Variants in LRRC4C observed in about 807,000 individuals in gnomAD.
LRRC4C encodes leucine rich repeat containing 4C.
Under a neutral mutation model 33.6 loss-of-function variants are expected in LRRC4C, and 5 were observed. That is an observed-to-expected ratio of 0.15 (90% CI 0.08 to 0.31). The LOEUF (loss-of-function observed/expected upper bound fraction) is 0.31. Ranked by LOEUF, LRRC4C falls within the 10% of genes least tolerant of loss-of-function variation. LRRC4C has a pLI of 1.00. For missense variants in LRRC4C, 560 were observed against 796.7 expected (o/e 0.70, Z 3.58); for synonymous variants, 329 against 302.0 (o/e 1.09, Z -0.93).
intron 1 of LRRC4C, among the ~76,000 whole-genome samples, chr11:41,219,400 G>T (rs1015527048): frequency 9.2e-5 from 14 of 152,106 alleles, no homozygotes; most frequent in African/African-American, 3.1e-4. Context: ...ATGCATAAGG[G>T]CCAGGAAAAC....
At chr11:41,100,257 A>T (rs1335897369) in intron 1 of LRRC4C, among the ~76,000 whole-genome samples, 1 of 152,106 alleles carries the variant, frequency 6.6e-6, no homozygotes, top group Non-Finnish European at 1.5e-5. Flanking sequence ...GCTCATGGAG[A>T]GGGAGAATCA....
intron 2 of LRRC4C, among the ~76,000 whole-genome samples, chr11:40,650,871 C>T (rs1198278407): frequency 1.3e-5 from 2 of 152,140 alleles, no homozygotes; most frequent in African/African-American, 2.4e-5. Flanking sequence ...TTAATGCCCT[C>T]TTGTTCCCAA....
intron 2 of LRRC4C, among the ~76,000 whole-genome samples, chr11:40,675,463 C>T (rs1944350988): frequency 6.6e-6 from 1 of 152,138 alleles, no homozygotes; most frequent in Non-Finnish European, 1.5e-5. Flanking sequence ...CAGAGTTGCT[C>T]ACACTTTTCT....
chr11:40,895,150 T>C (rs1955883742), intron 2 of LRRC4C, among the ~76,000 whole-genome samples: 1 of 152,096 alleles, frequency 6.6e-6, no homozygotes, highest in Non-Finnish European at 1.5e-5. Flanking sequence ...TACTGAAAAC[T>C]TGACAGAAAT....
At chr11:40,965,996 C>A (rs1307516740) in intron 1 of LRRC4C, among the ~76,000 whole-genome samples, 1 of 152,020 alleles carries the variant, frequency 6.6e-6, no homozygotes, top group Non-Finnish European at 1.5e-5. Flanking sequence ...TCTTCCTACC[C>A]ATGAGCATGG....
intron 1 of LRRC4C, among the ~76,000 whole-genome samples, chr11:41,187,340 G>A (rs1253854411): frequency 6.6e-6 from 1 of 152,182 alleles, no homozygotes; most frequent in Non-Finnish European, 1.5e-5. Context: ...CACACTGGCA[G>A]AAGAGGACAC....
chr11:40,254,367 G>T (rs1293375851), intron 4 of LRRC4C, among the ~76,000 whole-genome samples: 1 of 152,222 alleles, frequency 6.6e-6, no homozygotes, highest in Non-Finnish European at 1.5e-5. Flanking sequence ...TGATGCCATA[G>T]ATTGTGGAGG....
chr11:40,317,615 G>C (rs80171876), intron 4 of LRRC4C, among the ~76,000 whole-genome samples: 1 of 152,108 alleles, frequency 6.6e-6, no homozygotes, highest in South Asian at 2.1e-4. Context: ...ATACTGAAAC[G>C]TCTCTCTGCA....
At chr11:41,042,419 T>C (rs537713293) in intron 1 of LRRC4C, among the ~76,000 whole-genome samples, 3 of 152,256 alleles carry the variant, frequency 2.0e-5, no homozygotes, top group African/African-American at 7.2e-5. Flanking sequence ...TTTTCTCTAA[T>C]TTACAATGTT....
At chr11:41,068,569 A>G (rs1303931192) in intron 1 of LRRC4C, among the ~76,000 whole-genome samples, 1 of 152,194 alleles carries the variant, frequency 6.6e-6, no homozygotes, top group African/African-American at 2.4e-5. Context: ...ACAAACTACT[A>G]TCAGAGAATA....
At chr11:41,410,580 A>G (rs1248231174) in intron 1 of LRRC4C, among the ~76,000 whole-genome samples, 2 of 151,824 alleles carry the variant, frequency 1.3e-5, no homozygotes, top group Admixed American at 6.6e-5. Context: ...AGCTGGGACT[A>G]CAGGCGCCCG....
chr11:40,696,770 ATATATCTGAG>A (rs1299191647), intron 2 of LRRC4C, among the ~76,000 whole-genome samples: 1 of 144,632 alleles, frequency 6.9e-6, no homozygotes, highest in Non-Finnish European at 1.5e-5. Flanking sequence ...ATATATATAT[ATATATCTGAG>A]TATATATATA....
At chr11:40,826,969 C>A (rs1211669175) in intron 2 of LRRC4C, among the ~76,000 whole-genome samples, 1 of 151,972 alleles carries the variant, frequency 6.6e-6, no homozygotes, top group African/African-American at 2.4e-5. Flanking sequence ...GAAAACACTA[C>A]AAATTCCGTT....
intron 1 of LRRC4C, among the ~76,000 whole-genome samples, chr11:41,210,675 T>C (rs1277920673): frequency 2.0e-5 from 3 of 152,178 alleles, no homozygotes; most frequent in African/African-American, 4.8e-5. Flanking sequence ...TCGGCATCTA[T>C]TTCTCTGCCC....
At chr11:40,895,031 C>A (rs567028905) in intron 2 of LRRC4C, among the ~76,000 whole-genome samples, 1 of 151,990 alleles carries the variant, frequency 6.6e-6, no homozygotes, top group South Asian at 2.1e-4. Context: ...GGCTTGATAG[C>A]TAATTTCTAA....
chr11:40,523,340 T>A (rs1317365950), intron 3 of LRRC4C, among the ~76,000 whole-genome samples: 11 of 152,010 alleles, frequency 7.2e-5, no homozygotes, highest in African/African-American at 2.6e-4. Context: ...TTTGCATAAA[T>A]GTCTACTCAA....
chr11:41,069,374 C>T (rs1267465241), intron 1 of LRRC4C, among the ~76,000 whole-genome samples: 2 of 152,134 alleles, frequency 1.3e-5, no homozygotes, highest in East Asian at 1.9e-4. Context: ...CAAGGATGCC[C>T]TCTCTCACCA....
intron 1 of LRRC4C, among the ~76,000 whole-genome samples, chr11:41,055,879 T>C (rs941507908): frequency 6.6e-6 from 1 of 152,144 alleles, no homozygotes; most frequent in African/African-American, 2.4e-5. Flanking sequence ...GTCCAGTTCT[T>C]ATACATTGCC....
intron 1 of LRRC4C, among the ~76,000 whole-genome samples, chr11:41,056,303 A>T (rs1202455818): frequency 2.6e-5 from 4 of 152,092 alleles, no homozygotes; most frequent in Admixed American, 1.3e-4. Flanking sequence ...AACTATAAAA[A>T]CCCTTGAAAA....
Sources: gnomAD v4.1 joint callset for allele counts (sites outside exome capture counted in the v4.1 genomes callset) on GRCh38, gnomAD v4.1.1 for gene constraint, MANE v1.5 for transcripts, NCBI Gene and HGNC (gene_info 2026-07-23, HGNC 2026-07-21) for gene names.